Variants in CCDC171 observed in about 807,000 individuals in gnomAD.
The protein encoded by CCDC171 is coiled-coil domain-containing protein 171.
In CCDC171, 177 loss-of-function variants were observed where a neutral mutation model predicts 168.2. The observed-to-expected ratio is 1.05, with a 90% confidence interval of 0.93 to 1.19. The LOEUF (loss-of-function observed/expected upper bound fraction) is 1.19. Ranked by LOEUF, CCDC171 falls within the 50% of genes most tolerant of loss-of-function variation. The pLI, the probability that CCDC171 is intolerant of heterozygous loss-of-function variation, is 0.00. For missense variants in CCDC171, 1,991 were observed against 1,539.0 expected (o/e 1.29, Z -4.91); for synonymous variants, 687 against 540.8 (o/e 1.27, Z -3.75).
chr9:15,744,613 T>C lies in CCDC171; in HGVS notation c.2390T>C (p.Leu797Ser). The C allele has an allele frequency of 6.2e-7, 1 of 1,614,152 alleles. No homozygotes were observed. The highest frequency in any genetic ancestry group is 2.2e-5 in the East Asian group (1 of 44,870). The change falls in exon 17 of 26, where the codon TTG becomes TCG. Residue 797 changes from leucine (L) to serine (S), a missense_variant. By Grantham distance (145) the Leu-to-Ser change is moderately radical (BLOSUM62 -2). Coordinates refer to ENST00000380701, the MANE Select transcript of CCDC171 (RefSeq NM_173550.4). ...ATGAAAAAGAAAACATTCAAAGGAT[T>C]GATACGTATATTTCGGAAAGGTGTT... is the stretch of plus-strand genomic sequence containing the variant. ...AKMKKKTFKG[L>S]IRIFRKGVIA...
intron 25 of CCDC171, among the ~76,000 whole-genome samples, chr9:15,956,826 G>A (rs10738419): frequency 3.3e-5 from 5 of 151,870 alleles, no homozygotes; most frequent in Non-Finnish European, 5.9e-5. Flanking sequence ...TTGAATGTGC[G>A]TCGACCTTTC....
chr9:16,067,820 A>G, the CCDC171 span, among the ~76,000 whole-genome samples: 2 of 152,098 alleles, frequency 1.3e-5, no homozygotes, highest in African/African-American at 4.8e-5. Flanking sequence ...CCATTGATCT[A>G]TATCTCTGTT....
chr9:16,019,350 A>C (rs1833104214), intron 3 of CCDC171, among the ~76,000 whole-genome samples: 1 of 152,166 alleles, frequency 6.6e-6, no homozygotes, highest in South Asian at 2.1e-4. Context: ...GGTAAAAGTA[A>C]ATTGTATGAC....
intron 11 of CCDC171, among the ~76,000 whole-genome samples, chr9:15,720,058 C>T (rs568143003): frequency 3.3e-5 from 5 of 152,166 alleles, no homozygotes; most frequent in Admixed American, 2.0e-4. Flanking sequence ...TTCCACATTA[C>T]TTTTGGTTTT....
At chr9:15,569,541 C>T (rs3129711) in intron 2 of CCDC171, among the ~76,000 whole-genome samples, 8,451 of 152,122 alleles carry the variant, frequency 0.056, 280 homozygotes, top group African/African-American at 0.092. Flanking sequence ...TTCGGCCGGG[C>T]GCGGTGGCTC....
At chr9:15,991,469 A>T (rs947547886) in intron 3 of CCDC171, among the ~76,000 whole-genome samples, 9 of 148,616 alleles carry the variant, frequency 6.1e-5, no homozygotes, top group Non-Finnish European at 1.2e-4. Flanking sequence ...TGCCCACAAG[A>T]GAAAACAGGA....
At chr9:15,809,627 C>T (rs1045307706) in intron 21 of CCDC171, among the ~76,000 whole-genome samples, 6 of 149,192 alleles carry the variant, frequency 4.0e-5, no homozygotes, top group Admixed American at 2.0e-4. Context: ...TTCATTCTTC[C>T]TGTCCGGAGT....
chr9:15,910,594 T>C (rs1438057577), intron 24 of CCDC171, among the ~76,000 whole-genome samples: 1 of 152,096 alleles, frequency 6.6e-6, no homozygotes, highest in Non-Finnish European at 1.5e-5. Flanking sequence ...ATGTGCAGAA[T>C]GTGCAGGTTT....
chr9:15,621,619 T>G (rs551173188), intron 6 of CCDC171, among the ~76,000 whole-genome samples: 1 of 152,202 alleles, frequency 6.6e-6, no homozygotes, highest in South Asian at 2.1e-4. Context: ...TATTAAAAAG[T>G]CAAAAAATAA....
chr9:16,099,217 C>T, the CCDC171 span, among the ~76,000 whole-genome samples: 1 of 152,006 alleles, frequency 6.6e-6, no homozygotes, highest in African/African-American at 2.4e-5. Context: ...TTTTAGATAC[C>T]CTTAGAGGGG....
intron 21 of CCDC171, among the ~76,000 whole-genome samples, chr9:15,793,557 T>TTG (rs1216073770): frequency 2.3e-5 from 1 of 43,820 alleles, no homozygotes; most frequent in African/African-American, 5.3e-5. Context: ...CAAGGTTTTT[T>TTG]TTTTTTTTTT....
intron 3 of CCDC171, among the ~76,000 whole-genome samples, chr9:16,016,838 C>T (rs971308756): frequency 1.3e-5 from 2 of 152,174 alleles, no homozygotes; most frequent in African/African-American, 4.8e-5. Context: ...AATTACTAAG[C>T]CATCTAGGAG....
intron 8 of CCDC171, among the ~76,000 whole-genome samples, chr9:15,661,770 A>G (rs1004911107): frequency 3.9e-5 from 6 of 152,210 alleles, no homozygotes; most frequent in Non-Finnish European, 8.8e-5. Flanking sequence ...TTTTCTTTCA[A>G]TTGATTGGTT....
intron 24 of CCDC171, among the ~76,000 whole-genome samples, chr9:15,893,848 A>G (rs1426818528): frequency 1.3e-5 from 2 of 152,198 alleles, no homozygotes; most frequent in African/African-American, 4.8e-5. Context: ...AAGTTCAACC[A>G]CTGTGGAAGA....
intron 16 of CCDC171, among the ~76,000 whole-genome samples, chr9:15,735,098 A>G (rs1345505452): frequency 6.6e-6 from 1 of 152,230 alleles, no homozygotes; most frequent in Non-Finnish European, 1.5e-5. Flanking sequence ...AATATTTCTA[A>G]GACTTTTTTA....
intron 6 of CCDC171, among the ~76,000 whole-genome samples, chr9:16,027,891 G>A (rs1206337827): frequency 1.3e-5 from 2 of 152,172 alleles, no homozygotes; most frequent in South Asian, 2.1e-4. Flanking sequence ...AATCATGTCT[G>A]TATGGAAAGC....
chr9:15,614,387 G>T (rs2043932497), intron 6 of CCDC171, among the ~76,000 whole-genome samples: 1 of 152,112 alleles, frequency 6.6e-6, no homozygotes, highest in African/African-American at 2.4e-5. Context: ...GGAGCTGGTG[G>T]GGTGGGGATG....
intron 6 of CCDC171, among the ~76,000 whole-genome samples, chr9:15,595,954 A>T (rs1273573687): frequency 6.6e-6 from 1 of 151,998 alleles, no homozygotes; most frequent in African/African-American, 2.4e-5. Flanking sequence ...TTCTTTTGAG[A>T]AGTGTCTGTT....
intron 18 of CCDC171, among the ~76,000 whole-genome samples, chr9:15,769,522 C>G (rs1191063136): frequency 6.6e-6 from 1 of 152,144 alleles, no homozygotes; most frequent in African/African-American, 2.4e-5. Flanking sequence ...AACGATAGAC[C>G]ATGATAATAT....
Sources: gnomAD v4.1 joint callset for allele counts (sites outside exome capture counted in the v4.1 genomes callset) on GRCh38, gnomAD v4.1.1 for gene constraint, MANE v1.5 for transcripts, NCBI Gene and HGNC (gene_info 2026-07-23, HGNC 2026-07-21) for gene names.